NTNG1: variants seen among roughly 807,000 people sequenced by gnomAD.
The protein encoded by NTNG1 is netrin G1, also known as netrin-G1.
A neutral mutation model predicts 54.0 loss-of-function variants in NTNG1; 16 were observed. The observed-to-expected ratio is 0.30, with a 90% CI of 0.20 to 0.45. The LOEUF is 0.45. Ranked by LOEUF, NTNG1 falls within the 20% of genes least tolerant of loss-of-function variation. The pLI, the probability that NTNG1 is intolerant of heterozygous loss-of-function variation, is 1.00. For missense variants in NTNG1, 530 were observed against 678.7 expected, an observed-to-expected ratio of 0.78 and a Z score of 2.43; for synonymous variants, 255 against 263.1, an observed-to-expected ratio of 0.97 and a Z score of 0.30.
intron 5 of NTNG1, among the ~76,000 whole-genome samples, chr1:107,428,105 G>A (rs1301991317): frequency 1.3e-5 from 2 of 152,010 alleles, no homozygotes; most frequent in Non-Finnish European, 2.9e-5. Flanking sequence ...TACCCACAAA[G>A]GAACCATAGT....
At position 107,324,660 on chromosome 1, in the gene NTNG1, G is replaced by A; in HGVS notation, c.625G>A (p.Glu209Lys). 3 of 1,613,674 alleles carry A rather than the reference G, an allele frequency of 1.9e-6. No homozygotes were observed. The highest frequency in any genetic ancestry group is 2.5e-6 in the Non-Finnish European group (3 of 1,179,826). Residue 209 changes from glutamate (E) to lysine (K), a missense_variant, in exon 3 of 8, where the codon GAG (glutamate) becomes AAG (lysine). Coordinates refer to ENST00000370068, the MANE Select transcript of NTNG1 (RefSeq NM_001113226.3). ...GGTCTTAGAAATCATTTGCACAGAA[G>A]AGTACTCAACAGGGTATACAACAAA... Reference protein sequence around the residue: ...HTVLEIICTEEYSTGYTTNSK... With the variant: ...HTVLEIICTEKYSTGYTTNSK...
At chr1:107,418,636 C>T in intron 5 of NTNG1, 1 of 1,596,824 alleles carries the variant, frequency 6.3e-7, no homozygotes, top group Non-Finnish European at 8.5e-7. Context: ...GGTTTCTAAC[C>T]CAAAACAAGG....
At chr1:107,224,329 C>T (rs1461639812) in intron 2 of NTNG1, among the ~76,000 whole-genome samples, 1 of 152,110 alleles carries the variant, frequency 6.6e-6, no homozygotes, top group Non-Finnish European at 1.5e-5. Context: ...GTTTTCTTTC[C>T]TTGAAATGAA....
intron 3 of NTNG1, among the ~76,000 whole-genome samples, chr1:107,368,054 G>A (rs979578340): frequency 2.0e-5 from 3 of 151,990 alleles, no homozygotes; most frequent in Non-Finnish European, 2.9e-5. Flanking sequence ...CACCGTGCCC[G>A]GCCTAAAAAC....
intron 4 of NTNG1, 81 bp from the exon 5 acceptor site, chr1:107,407,601 T>A: frequency 8.4e-7 from 1 of 1,187,876 alleles, no homozygotes; most frequent in Admixed American, 2.3e-5. Context: ...GTCAAGTTTC[T>A]AAGATTTTTA....
chr1:107,311,250 C>T (rs1319964380), intron 2 of NTNG1, among the ~76,000 whole-genome samples: 1 of 152,092 alleles, frequency 6.6e-6, no homozygotes, highest in African/African-American at 2.4e-5. Context: ...AGAACAAATA[C>T]ATTCTTCATG....
rs988957800 is a variant in NTNG1 at position 107,207,646 on chromosome 1, T to C, written c.246+58807T>C. Reference sequence around the variant, plus strand: ...CTGTTGTTTTCTTGTTTTCATCATATTCAAAATGATTCAAAACTTTTCACC... The same window carrying C: ...CTGTTGTTTTCTTGTTTTCATCATACTCAAAATGATTCAAAACTTTTCACC... On this transcript the variant is annotated intron_variant, in intron 2 of 7. Coordinates refer to ENST00000370068, the MANE Select transcript of NTNG1 (RefSeq NM_001113226.3). 7.8e-4 allele frequency among the ~76,000 whole-genome samples: 119 copies of C among 152,314 alleles called. 1 individual carries two copies. The highest frequency in any genetic ancestry group is 2.6e-3 in the African/African-American group (109 of 41,580).
intron 7 of NTNG1, among the ~76,000 whole-genome samples, chr1:107,466,494 A>G (rs146879085): frequency 6.6e-6 from 1 of 152,332 alleles, no homozygotes; most frequent in East Asian, 1.9e-4. Flanking sequence ...ATAACTCCCT[A>G]TTCATATAAA....
At chr1:107,405,991 G>A (rs574764241) in intron 4 of NTNG1, among the ~76,000 whole-genome samples, 1 of 152,198 alleles carries the variant, frequency 6.6e-6, no homozygotes, top group Non-Finnish European at 1.5e-5. Context: ...AATTCATAGG[G>A]TAGAGTTAAA....
chr1:107,278,718 A>C (rs951001265), intron 2 of NTNG1, among the ~76,000 whole-genome samples: 4 of 152,068 alleles, frequency 2.6e-5, no homozygotes, highest in African/African-American at 9.7e-5. Flanking sequence ...CATTATTTTC[A>C]CCAGTTTATC....
At chr1:107,300,892 C>T (rs1036600162) in intron 2 of NTNG1, among the ~76,000 whole-genome samples, 2 of 152,044 alleles carry the variant, frequency 1.3e-5, no homozygotes, top group African/African-American at 4.8e-5. Context: ...TGTATGTCAG[C>T]AAACTTATTT....
At chr1:107,232,677 A>G (rs1319197811) in intron 2 of NTNG1, among the ~76,000 whole-genome samples, 1 of 152,156 alleles carries the variant, frequency 6.6e-6, no homozygotes. Context: ...GCCAAATTTA[A>G]TTTTCTTTCT....
chr1:107,273,376 T>C (rs1228235336), intron 2 of NTNG1, among the ~76,000 whole-genome samples: 3 of 152,216 alleles, frequency 2.0e-5, no homozygotes. Context: ...ACTGAAGTTA[T>C]TTAAATCTCC....
intron 3 of NTNG1, among the ~76,000 whole-genome samples, chr1:107,339,783 A>G (rs1668796075): frequency 6.6e-6 from 1 of 152,108 alleles, no homozygotes; most frequent in African/African-American, 2.4e-5. Context: ...CGAATGTAGA[A>G]TATAATACAA....
At chr1:107,404,644 C>T (rs1644684134) in intron 4 of NTNG1, among the ~76,000 whole-genome samples, 1 of 152,004 alleles carries the variant, frequency 6.6e-6, no homozygotes, top group Non-Finnish European at 1.5e-5. Flanking sequence ...CCAACAGGTG[C>T]AGAAGGGAAC....
At chr1:107,347,081 G>C (rs1022277926) in intron 3 of NTNG1, among the ~76,000 whole-genome samples, 14 of 151,870 alleles carry the variant, frequency 9.2e-5, no homozygotes, top group Admixed American at 2.0e-4. Context: ...GTCACAGTAA[G>C]GCTTCCTATC....
chr1:107,447,442 C>T (rs529820582), intron 7 of NTNG1, among the ~76,000 whole-genome samples: 31 of 152,138 alleles, frequency 2.0e-4, no homozygotes, highest in South Asian at 4.1e-4. Flanking sequence ...GTTATTTGGG[C>T]GTACTAGTAA....
intron 7 of NTNG1, among the ~76,000 whole-genome samples, chr1:107,472,727 T>C (rs1678064211): frequency 6.6e-6 from 1 of 152,164 alleles, no homozygotes; most frequent in Non-Finnish European, 1.5e-5. Flanking sequence ...AAAAAGGTTT[T>C]TTTTTGTTTT....
intron 2 of NTNG1, among the ~76,000 whole-genome samples, chr1:107,196,432 G>GT (rs1400716493): frequency 6.6e-6 from 1 of 152,022 alleles, no homozygotes; most frequent in Non-Finnish European, 1.5e-5. Context: ...TTAACACTCA[G>GT]TAAGTCGTAA....
Sources: allele counts gnomAD v4.1 joint callset (sites outside exome capture counted in the v4.1 genomes callset), GRCh38; gene constraint gnomAD v4.1.1; transcripts MANE v1.5; gene names NCBI Gene and HGNC (gene_info 2026-07-23, HGNC 2026-07-21).